The following NUP210 variants were observed in gnomAD, a reference collection of about 807,000 sequenced individuals.
NUP210 encodes the protein nucleoporin 210, also known as nuclear pore membrane glycoprotein 210.
In NUP210, 151 loss-of-function variants were observed where a neutral mutation model predicts 196.0. That is an observed-to-expected ratio of 0.77 (90% CI 0.67 to 0.88). The LOEUF is 0.88. NUP210 is among the 40% of genes least tolerant of loss of function. The pLI is 0.00. For missense variants in NUP210, 2,314 were observed against 2,493.7 expected, an observed-to-expected ratio of 0.93 and a Z score of 1.53; for synonymous variants, 1,070 against 1,052.7, an observed-to-expected ratio of 1.02 and a Z score of -0.32.
chr3:13,376,164 C>A (rs574518225), intron 10 of NUP210, 127 bp downstream of exon 10: 6 of 894,870 alleles, frequency 6.7e-6, no homozygotes, highest in Non-Finnish European at 1.0e-5. Context: ...ATGCAAGTAG[C>A]CCAAACAGGA....
At chr3:13,376,945 G>A (rs1698932054) in intron 9 of NUP210, among the ~76,000 whole-genome samples, 1 of 152,068 alleles carries the variant, frequency 6.6e-6, no homozygotes, top group Non-Finnish European at 1.5e-5. Flanking sequence ...GGGACAGAGA[G>A]GCAGCCAAGA....
chr3:13,345,992 C>T (rs558255667), intron 20 of NUP210, among the ~76,000 whole-genome samples: 70 of 152,340 alleles, frequency 4.6e-4, no homozygotes, highest in South Asian at 6.2e-4. Flanking sequence ...CGGAGCCCCA[C>T]GCAGGGCAAC....
chr3:13,333,315 C>T (rs1045886292), intron 28 of NUP210, among the ~76,000 whole-genome samples: 5 of 152,252 alleles, frequency 3.3e-5, no homozygotes, highest in African/African-American at 7.2e-5. Flanking sequence ...GCTGCCTCCT[C>T]GGCCTCCCAG....
chr3:13,353,724 C>T, intron 17 of NUP210, 64 bp from the exon 18 acceptor site: 1 of 1,416,502 alleles, frequency 7.1e-7, no homozygotes, highest in South Asian at 1.2e-5. Flanking sequence ...GAAGCAGCCC[C>T]TCCCTCCTTC....
rs1224605221 is a variant in NUP210, at chr3:13,391,441, G to A, written c.437-134C>T. ...ACCCACCAGGCAGGTGTCATAAACT[G>A]TATGTCAGGAGAGGAAACTGAGGCT... On this transcript the variant is annotated intron_variant, in intron 3 of 39. Coordinates refer to ENST00000254508, the MANE Select transcript of NUP210 (RefSeq NM_024923.4). The A allele has an allele frequency of 1.5e-5, 10 of 653,196 alleles. No homozygotes were observed. The East Asian group carries it at 1.7e-4, about 11-fold the overall frequency. 40.5% of individuals were successfully genotyped at this position (653,196 alleles called of 1,614,324 possible).
In NUP210 at chr3:13,319,901, C is replaced by T. The variant is rs752865042; in HGVS notation, c.5245G>A (p.Val1749Ile). 22 of 1,614,188 alleles carry T rather than the reference C, an allele frequency of 1.4e-5. No individual in the cohort carries two copies. The highest frequency in any genetic ancestry group is 1.7e-5 in the Non-Finnish European group (20 of 1,180,030). ...FGWPSFITYT[V>I]GVLDPAAGSQ... is the part of the protein sequence containing the mutation. ...CCAGCCGCGGGGTCCAAGACGCCGA[C>T]CGTGTATGTGATGAAGCTGGGCCAC... The change falls in exon 37 of 40, where the codon GTC (valine) becomes ATC (isoleucine). Residue 1749 changes from valine (V) to isoleucine (I), a missense_variant. Coordinates refer to ENST00000254508, the MANE Select transcript of NUP210 (RefSeq NM_024923.4).
chr3:13,362,426 A>G (rs560917243), intron 14 of NUP210, among the ~76,000 whole-genome samples: 1 of 152,300 alleles, frequency 6.6e-6, no homozygotes, highest in East Asian at 1.9e-4. Context: ...TGAGGAAGGA[A>G]GCCCTCACCA....
Position 13,348,420 on chromosome 3 carries a change from G to C in NUP210, c.2835+3459C>G. On this transcript the variant is annotated intron_variant, in intron 20 of 39. Transcript: ENST00000254508. The surrounding 1 kb of genome is among the most constrained non-coding windows in gnomAD (Gnocchi z 4.0). ...ACAGAATGACAGGTGCAAGGTAAAT[G>C]TGAATGAGAGTGTGCCTCGGTTTCA... 2 of 985,428 alleles carry C rather than the reference G, an allele frequency of 2.0e-6. No individual in the cohort carries two copies. Among genetic ancestry groups the C allele is most frequent in the Non-Finnish European group, 2.4e-6 (2 of 829,940 alleles). The allele number at this position is 985,428 out of a possible 1,614,324, so 61.0% of individuals were successfully genotyped here.
chr3:13,417,777 T>C (rs1331868059), intron 1 of NUP210, among the ~76,000 whole-genome samples: 1 of 152,144 alleles, frequency 6.6e-6, no homozygotes, highest in African/African-American at 2.4e-5. Flanking sequence ...AAACTACAGA[T>C]CAACGCCAAA....
intron 5 of NUP210, among the ~76,000 whole-genome samples, chr3:13,387,790 A>T (rs7616685): frequency 1.3e-5 from 2 of 152,062 alleles, no homozygotes; most frequent in East Asian, 3.9e-4. Flanking sequence ...CCACTACCCT[A>T]AGAATGGGAT....
At chr3:13,384,281 C>G (rs901160191) in intron 6 of NUP210, among the ~76,000 whole-genome samples, 6 of 152,218 alleles carry the variant, frequency 3.9e-5, no homozygotes, top group Non-Finnish European at 8.8e-5. Context: ...TTATAATTAG[C>G]TTTTTTCTGG....
intron 11 of NUP210, among the ~76,000 whole-genome samples, chr3:13,375,054 T>TATAA (rs1698850838): frequency 6.6e-6 from 1 of 152,180 alleles, no homozygotes; most frequent in South Asian, 2.1e-4. Flanking sequence ...TGTGTATATA[T>TATAA]ATAATGCTTT....
chr3:13,328,651 G>A lies in NUP210; in HGVS notation c.4286+120C>T, dbSNP rs1696873317. The A allele has an allele frequency of 2.9e-5, 28 of 980,038 alleles. No homozygotes were observed. In the East Asian group the frequency reaches 3.9e-4, roughly 14 times the overall value. 60.7% of individuals were successfully genotyped at this position (980,038 alleles called of 1,614,324 possible). A position where few individuals can be genotyped will look rare whatever the true frequency, so the allele number is the denominator to read the frequency against. On this transcript the variant is annotated intron_variant, in intron 31 of 39. Transcript: ENST00000254508. ...TGGTGCAGCATGCCCACATCTCTTG[G>A]AAACTGAAGTAATACACATCTTCCT...
intron 13 of NUP210, among the ~76,000 whole-genome samples, chr3:13,366,842 C>G (rs1346102649): frequency 1.3e-5 from 2 of 151,292 alleles, no homozygotes; most frequent in Admixed American, 1.3e-4. Context: ...ATATTTAATT[C>G]AGCCAGGCAC....
At position 13,339,185 on chromosome 3, in the gene NUP210, G is replaced by C. The variant is rs114473837; in HGVS notation, c.3471+669C>G. On this transcript the variant is annotated intron_variant, in intron 25 of 39. Coordinates refer to ENST00000254508, the MANE Select transcript of NUP210 (RefSeq NM_024923.4). ...GATCACAGTCAGCCTCTGAGAACAA[G>C]CATTTCCCTGCACCCCCTCTAGGGC... is the stretch of plus-strand genomic sequence containing the variant. Among the ~76,000 whole-genome samples the C allele has an allele frequency of 3.4e-3, 522 of 152,308 alleles. 2 individuals are homozygous for C. Among genetic ancestry groups the C allele is most frequent in the African/African-American group, 0.012 (493 of 41,572 alleles).
intron 29 of NUP210, among the ~76,000 whole-genome samples, chr3:13,330,893 G>A (rs770022696): frequency 6.6e-6 from 1 of 152,214 alleles, no homozygotes; most frequent in Non-Finnish European, 1.5e-5. Flanking sequence ...AGTGCCTGCC[G>A]TGGGTCAGCC....
At chr3:13,403,316 C>T (rs1258654617) in intron 1 of NUP210, among the ~76,000 whole-genome samples, 1 of 152,204 alleles carries the variant, frequency 6.6e-6, no homozygotes, top group African/African-American at 2.4e-5. Flanking sequence ...TGAGGGCCCA[C>T]TTTCTGGGTC....
In NUP210 at chr3:13,340,151, G is replaced by A; in HGVS notation, c.3291+85C>T. 1.2e-6 allele frequency: 2 copies of A among 1,604,546 alleles called. No individual in the cohort carries two copies. The highest frequency in any genetic ancestry group is 1.7e-4 in the Middle Eastern group (1 of 5,954). The stretch of plus-strand genomic sequence containing the variant: ...CTTCTGCCTTCTTCTCCCAGTCACT[G>A]CACGCAGGGCCAGAGGCGGCGTGCC... On this transcript the variant is annotated intron_variant, in intron 24 of 39. Transcript: ENST00000254508. The surrounding 1 kb of genome is among the most constrained non-coding windows in gnomAD (Gnocchi z 4.0).
At chr3:13,319,459 G>T (rs1023110463) in intron 37 of NUP210, 134 bp from the exon 38 acceptor site, 16 of 784,060 alleles carry the variant, frequency 2.0e-5, no homozygotes, top group Non-Finnish European at 2.8e-5. Context: ...GTCTCAGAGG[G>T]CCAGGCCACC....
Sources: allele counts gnomAD v4.1 joint callset (sites outside exome capture counted in the v4.1 genomes callset), GRCh38; gene constraint gnomAD v4.1.1; non-coding constraint Gnocchi (gnomAD v3.1); transcripts MANE v1.5; gene names NCBI Gene and HGNC (gene_info 2026-07-23, HGNC 2026-07-21).